The following CACNA2D1 variants were observed in gnomAD, a reference collection of about 807,000 sequenced individuals.
The protein encoded by CACNA2D1 is calcium voltage-gated channel auxiliary subunit alpha2delta 1, also known as voltage-dependent calcium channel subunit alpha-2/delta-1.
CACNA2D1 carries 53 observed loss-of-function variants against 171.5 expected under a neutral mutation model. That is an observed-to-expected ratio of 0.31 (90% CI 0.25 to 0.39). The LOEUF (loss-of-function observed/expected upper bound fraction) is 0.39, where lower values mean the gene tolerates loss of function less well. Ranked by LOEUF, CACNA2D1 falls within the 10% of genes least tolerant of loss-of-function variation. CACNA2D1 has a pLI of 1.00. For missense variants in CACNA2D1, 903 were observed against 1,299.8 expected (o/e 0.69, Z 4.69); for synonymous variants, 442 against 443.1 (o/e 1.00, Z 0.03).
chr7:82,428,623 A>C (rs1585928425), intron 1 of CACNA2D1, among the ~76,000 whole-genome samples: 1 of 152,220 alleles, frequency 6.6e-6, no homozygotes, highest in Non-Finnish European at 1.5e-5. Context: ...AGATGAAAGA[A>C]CTAACACTTT....
In CACNA2D1 at chr7:81,968,551, CGTATTTTAAA is replaced by C. The variant is rs1384312227; in HGVS notation, c.2395+326_2395+335del. Reference sequence around the variant, plus strand: ...AACTCCTTGGCCATATAACTTTGTACGTATTTTAAAGTATTAAGAGAGACTTCTGGAGGTG... The same window carrying C: ...AACTCCTTGGCCATATAACTTTGTACGTATTAAGAGAGACTTCTGGAGGTG... On this transcript the variant is annotated intron_variant, in intron 29 of 38. Coordinates refer to ENST00000356860, the MANE Select transcript of CACNA2D1 (RefSeq NM_000722.4). 4.0e-5 allele frequency among the ~76,000 whole-genome samples: 6 copies of C among 151,148 alleles called. No homozygotes were observed. In the East Asian group the frequency reaches 9.8e-4, roughly 25 times the overall value.
At chr7:82,074,951 C>A (rs1808781163) in intron 7 of CACNA2D1, among the ~76,000 whole-genome samples, 1 of 151,834 alleles carries the variant, frequency 6.6e-6, no homozygotes, top group African/African-American at 2.4e-5. Flanking sequence ...CCACGTTGGT[C>A]TGCTACACCC....
intron 3 of CACNA2D1, among the ~76,000 whole-genome samples, chr7:82,174,597 C>T (rs1339772853): frequency 6.6e-6 from 1 of 151,982 alleles, no homozygotes; most frequent in African/African-American, 2.4e-5. Flanking sequence ...TCTTTAGATT[C>T]CTATAAAACT....
At chr7:82,174,394 C>A (rs1173706598) in intron 3 of CACNA2D1, among the ~76,000 whole-genome samples, 1 of 151,906 alleles carries the variant, frequency 6.6e-6, no homozygotes, top group Non-Finnish European at 1.5e-5. Context: ...ATATGAAAAT[C>A]CTTTGGATAT....
chr7:82,115,065 T>A (rs1038102530), intron 6 of CACNA2D1, among the ~76,000 whole-genome samples: 1 of 152,202 alleles, frequency 6.6e-6, no homozygotes. Context: ...AACATTCAAG[T>A]TGGCTTCAGT....
intron 31 of CACNA2D1, among the ~76,000 whole-genome samples, chr7:81,966,559 C>G (rs1382403469): frequency 6.6e-6 from 1 of 151,138 alleles, no homozygotes; most frequent in Non-Finnish European, 1.5e-5. Context: ...AATATTGTTT[C>G]ATCATTGTTA....
At chr7:82,313,782 T>C (rs1447681073) in intron 3 of CACNA2D1, among the ~76,000 whole-genome samples, 2 of 152,356 alleles carry the variant, frequency 1.3e-5, no homozygotes, top group Admixed American at 6.5e-5. Context: ...AACTTTCCCT[T>C]GGTTCTTTCA....
intron 3 of CACNA2D1, among the ~76,000 whole-genome samples, chr7:82,252,570 G>C (rs1271680431): frequency 6.6e-6 from 1 of 152,156 alleles, no homozygotes; most frequent in Non-Finnish European, 1.5e-5. Context: ...ACTGCCATTT[G>C]ATAAGAACTA....
chr7:82,061,079 A>T (rs1294443909), intron 9 of CACNA2D1, among the ~76,000 whole-genome samples: 2 of 152,168 alleles, frequency 1.3e-5, no homozygotes, highest in African/African-American at 4.8e-5. Context: ...GGGCTGGCTC[A>T]ACTCTAGGCA....
intron 10 of CACNA2D1, among the ~76,000 whole-genome samples, chr7:82,043,862 C>T (rs991306788): frequency 1.3e-5 from 2 of 152,138 alleles, no homozygotes; most frequent in African/African-American, 2.4e-5. Context: ...GAAATGGCAA[C>T]TAGAACACAT....
chr7:82,322,490 G>A (rs544826835), intron 3 of CACNA2D1, among the ~76,000 whole-genome samples: 2 of 151,060 alleles, frequency 1.3e-5, no homozygotes, highest in South Asian at 4.2e-4. Flanking sequence ...AGCCAGACAT[G>A]GTAGCATATG....
Position 82,111,172 on chromosome 7 carries a change from G to T in CACNA2D1, c.526+5872C>A, listed in dbSNP as rs537536850. Among the ~76,000 whole-genome samples the T allele has an allele frequency of 2.3e-4, 34 of 150,320 alleles. No individual in the cohort carries two copies. In the South Asian group the frequency reaches 7.1e-3, roughly 31 times the overall value. ...AGTTTTAATTAATAAAATTTCACTT[G>T]ATGATTGACTGCTTCTGAGGTAATT... is the stretch of plus-strand genomic sequence containing the variant. On this transcript the variant is annotated intron_variant, in intron 6 of 38. Coordinates refer to ENST00000356860, the MANE Select transcript of CACNA2D1 (RefSeq NM_000722.4).
intron 6 of CACNA2D1, among the ~76,000 whole-genome samples, chr7:82,099,929 C>CT (rs1333940084): frequency 6.6e-6 from 1 of 152,004 alleles, no homozygotes; most frequent in Non-Finnish European, 1.5e-5. Context: ...ACACTGAGGC[C>CT]TGTCAGGGGG....
At chr7:82,148,338 A>AG (rs1793390937) in intron 4 of CACNA2D1, among the ~76,000 whole-genome samples, 1 of 151,804 alleles carries the variant, frequency 6.6e-6, no homozygotes. Context: ...AAAAAAAAAA[A>AG]GTCAAGGGAT....
At chr7:82,031,609 G>A (rs1802710073) in intron 12 of CACNA2D1, among the ~76,000 whole-genome samples, 1 of 151,926 alleles carries the variant, frequency 6.6e-6, no homozygotes, top group African/African-American at 2.4e-5. Flanking sequence ...GAAATTATAT[G>A]TGTATTATTT....
chr7:82,105,761 G>A (rs544557742), intron 6 of CACNA2D1, among the ~76,000 whole-genome samples: 36 of 152,106 alleles, frequency 2.4e-4, no homozygotes, highest in Admixed American at 6.6e-4. Flanking sequence ...TGTAGTAATG[G>A]CACACTTCTT....
chr7:82,268,173 A>G (rs779611959), intron 3 of CACNA2D1, among the ~76,000 whole-genome samples: 2 of 152,230 alleles, frequency 1.3e-5, no homozygotes, highest in Non-Finnish European at 2.9e-5. Context: ...ATCCTTTTAC[A>G]CAAAAGTATT....
At position 82,038,065 on chromosome 7, in the gene CACNA2D1, C is replaced by T. The variant is rs117959542; in HGVS notation, c.1038+12G>A. The T allele has an allele frequency of 1.2e-3, 1,999 of 1,611,960 alleles. 13 individuals carry two copies. The East Asian group carries it at 0.019, about 15-fold the overall frequency. On this transcript the variant is annotated intron_variant, in intron 11 of 38. Coordinates refer to ENST00000356860, the MANE Select transcript of CACNA2D1 (RefSeq NM_000722.4). Reference sequence around the variant, plus strand: ...ACAACAACAACAACAAAAGACATAGCATGATACTTACATTAAGCAGCTGTT... The same window carrying T: ...ACAACAACAACAACAAAAGACATAGTATGATACTTACATTAAGCAGCTGTT...
intron 4 of CACNA2D1, among the ~76,000 whole-genome samples, chr7:82,157,398 G>T (rs1425631490): frequency 6.6e-6 from 1 of 152,048 alleles, no homozygotes; most frequent in Non-Finnish European, 1.5e-5. Flanking sequence ...AATTATTCAT[G>T]TCTTTTTCCA....
Sources: gnomAD v4.1 joint callset for allele counts (sites outside exome capture counted in the v4.1 genomes callset) on GRCh38, gnomAD v4.1.1 for gene constraint, MANE v1.5 for transcripts, NCBI Gene and HGNC (gene_info 2026-07-23, HGNC 2026-07-21) for gene names.